Variants in AGBL1 observed in about 807,000 individuals in gnomAD.
AGBL1 encodes AGBL carboxypeptidase 1, also known as cytosolic carboxypeptidase 4.
In AGBL1, 130 loss-of-function variants were observed where a neutral mutation model predicts 118.9. That is an observed-to-expected ratio of 1.09 (90% CI 0.95 to 1.26). AGBL1 has a LOEUF of 1.26. Ranked by LOEUF, AGBL1 falls within the 50% of genes most tolerant of loss-of-function variation. AGBL1 has a pLI of 0.00. For synonymous variants in AGBL1, 555 were observed against 478.9 expected (o/e 1.16, Z -2.08); for missense variants, 1,584 against 1,298.1 (o/e 1.22, Z -3.38).
At chr15:86,887,946 A>G (rs762076352) in intron 22 of AGBL1, among the ~76,000 whole-genome samples, 5 of 152,172 alleles carry the variant, frequency 3.3e-5, no homozygotes, top group African/African-American at 7.2e-5. Flanking sequence ...TTTGCCTTCC[A>G]TTTACTCTAA....
At chr15:86,667,156 T>C (rs1455435848) in intron 21 of AGBL1, among the ~76,000 whole-genome samples, 1 of 152,068 alleles carries the variant, frequency 6.6e-6, no homozygotes, top group Admixed American at 6.6e-5. Flanking sequence ...TTTATATTTT[T>C]ATATATTTAT....
At chr15:86,836,263 A>T (rs1263598133) in intron 22 of AGBL1, among the ~76,000 whole-genome samples, 3 of 152,200 alleles carry the variant, frequency 2.0e-5, no homozygotes, top group Non-Finnish European at 4.4e-5. Flanking sequence ...GTAGCCCTGA[A>T]AATAGAACCT....
chr15:86,327,594 T>A (rs539753913), intron 17 of AGBL1, among the ~76,000 whole-genome samples: 141 of 152,324 alleles, frequency 9.3e-4, no homozygotes, highest in Non-Finnish European at 1.7e-3. Context: ...TGTTTGTATA[T>A]GCAGTGTTTG....
chr15:86,259,007 C>T (rs910064090), intron 9 of AGBL1, among the ~76,000 whole-genome samples: 21 of 152,156 alleles, frequency 1.4e-4, no homozygotes, highest in Admixed American at 1.1e-3. Context: ...GCCCAGCCTC[C>T]AAGCAGTCTT....
intron 21 of AGBL1, among the ~76,000 whole-genome samples, chr15:86,570,840 C>G (rs915199560): frequency 9.9e-5 from 15 of 152,120 alleles, no homozygotes; most frequent in African/African-American, 3.6e-4. Context: ...GCCCTCTGGG[C>G]TTGTTCCGCT....
At position 86,944,261 on chromosome 15, in the gene AGBL1, T is replaced by G. The variant is rs555119128; in HGVS notation, c.3222-43726T>G. Among the ~76,000 whole-genome samples, 14 of 152,100 alleles carry G rather than the reference T, an allele frequency of 9.2e-5. No homozygotes were observed. In the South Asian group the frequency reaches 2.7e-3, roughly 29 times the overall value. On this transcript the variant is annotated intron_variant, in intron 23 of 24. Transcript: ENST00000441037. Reference sequence around the variant, plus strand: ...GGCACATGCCTGTAGTCCCAGCTACTTCAGCTACTTGGGAGGCTGAGGCAG... The same window carrying G: ...GGCACATGCCTGTAGTCCCAGCTACGTCAGCTACTTGGGAGGCTGAGGCAG...
At chr15:86,711,304 C>A (rs2086551581) in intron 22 of AGBL1, among the ~76,000 whole-genome samples, 1 of 152,088 alleles carries the variant, frequency 6.6e-6, no homozygotes, top group African/African-American at 2.4e-5. Flanking sequence ...GTAAAAGTTC[C>A]AACAAGATCA....
intron 11 of AGBL1, 76 bp downstream of exon 11, chr15:86,264,914 T>C: frequency 7.8e-7 from 1 of 1,289,932 alleles, no homozygotes; most frequent in South Asian, 1.5e-5. Flanking sequence ...TTTGTACAGA[T>C]AATTCTACTA....
intron 23 of AGBL1, among the ~76,000 whole-genome samples, chr15:86,979,693 T>G (rs986932161): frequency 6.6e-6 from 1 of 151,860 alleles, no homozygotes; most frequent in East Asian, 1.9e-4. Flanking sequence ...TTAGTAGAGA[T>G]AGGGTTTCAC....
At chr15:86,743,456 T>A (rs1247477342) in intron 22 of AGBL1, among the ~76,000 whole-genome samples, 1 of 152,132 alleles carries the variant, frequency 6.6e-6, no homozygotes, top group East Asian at 1.9e-4. Context: ...CCCCTCTTAG[T>A]AGGCTGAGCT....
Position 86,502,036 on chromosome 15 carries a change from A to C in AGBL1, c.2556-20774A>C, listed in dbSNP as rs1201001305. ...GAAACTGTAGATCAATCTGGGAAGTAGTGCCATTTTAATATCAAGTCTTCA... is the reference window on the plus strand; with the variant it reads ...GAAACTGTAGATCAATCTGGGAAGTCGTGCCATTTTAATATCAAGTCTTCA... On this transcript the variant is annotated intron_variant, in intron 18 of 22. Transcript: ENST00000614907. Among the ~76,000 whole-genome samples the C allele has an allele frequency of 2.6e-5, 4 of 151,614 alleles. No homozygotes were observed. The East Asian group carries it at 7.7e-4, about 29-fold the overall frequency.
At chr15:86,881,822 G>C (rs904561285) in intron 22 of AGBL1, among the ~76,000 whole-genome samples, 1 of 152,168 alleles carries the variant, frequency 6.6e-6, no homozygotes, top group Admixed American at 6.5e-5. Context: ...TTTTAGTAGA[G>C]ATGGAGTTTT....
chr15:86,285,374 C>G (rs1047912023), intron 16 of AGBL1, among the ~76,000 whole-genome samples: 2 of 151,984 alleles, frequency 1.3e-5, no homozygotes, highest in African/African-American at 4.8e-5. Flanking sequence ...CAAATCTCAT[C>G]TTGAATTTTA....
intron 21 of AGBL1, among the ~76,000 whole-genome samples, chr15:86,659,105 C>T (rs1427452632): frequency 1.3e-5 from 2 of 152,114 alleles, no homozygotes; most frequent in Admixed American, 6.5e-5. Flanking sequence ...CCCTCCACAT[C>T]CCTTTCCTAA....
intron 22 of AGBL1, among the ~76,000 whole-genome samples, chr15:86,789,111 G>T (rs1286983142): frequency 1.3e-5 from 2 of 152,188 alleles, no homozygotes; most frequent in Non-Finnish European, 2.9e-5. Flanking sequence ...ATCCATTACT[G>T]TGTCTAATTA....
intron 1 of AGBL1, among the ~76,000 whole-genome samples, chr15:86,111,743 C>A (rs1897396562): frequency 6.6e-6 from 1 of 152,204 alleles, no homozygotes; most frequent in South Asian, 2.1e-4. Context: ...TCCACTGATA[C>A]AGGGGTCTCC....
At position 86,428,006 on chromosome 15, in the gene AGBL1, A is replaced by G. The variant is rs550784957; in HGVS notation, c.2555+30460A>G. Among the ~76,000 whole-genome samples, 3 of 152,210 alleles carry G rather than the reference A, an allele frequency of 2.0e-5. No homozygotes were observed. In the East Asian group the frequency reaches 5.8e-4, roughly 29 times the overall value. ...TTAAATACGTATTCAGGTATCTCTG[A>G]CCCTCCATTCTGTAGATGATGTAAC... On this transcript the variant is annotated intron_variant, in intron 18 of 22. Coordinates refer to ENST00000614907, the MANE Select transcript of AGBL1 (RefSeq NM_001386094.1).
At chr15:86,235,296 G>A (rs2078521670) in intron 6 of AGBL1, among the ~76,000 whole-genome samples, 3 of 152,216 alleles carry the variant, frequency 2.0e-5, no homozygotes. Flanking sequence ...CTCAGAGTAA[G>A]TTATCTAAAT....
intron 22 of AGBL1, among the ~76,000 whole-genome samples, chr15:86,768,390 C>T (rs116487822): frequency 6.6e-6 from 1 of 152,060 alleles, no homozygotes; most frequent in African/African-American, 2.4e-5. Flanking sequence ...AAGCATGATC[C>T]ACCCAGTCTT....
Sources: allele counts gnomAD v4.1 joint callset (sites outside exome capture counted in the v4.1 genomes callset), GRCh38; gene constraint gnomAD v4.1.1; transcripts MANE v1.5; gene names NCBI Gene and HGNC (gene_info 2026-07-23, HGNC 2026-07-21).